Variants in LHFPL7 observed in about 807,000 individuals in gnomAD.
LHFPL7 encodes LHFPL tetraspan subfamily member 7 protein.
At chr22:24,935,450 G>C in the LHFPL7 span, 1 of 1,613,940 alleles carries the variant, frequency 6.2e-7, no homozygotes, top group African/African-American at 1.3e-5. Context: ...GGCTGGCCAG[G>C]ACTGCATTGA....
At chr22:24,935,641 C>T in the LHFPL7 span, 2 of 1,574,978 alleles carry the variant, frequency 1.3e-6, no homozygotes, top group Non-Finnish European at 1.7e-6. Context: ...CAAGGGGTAC[C>T]TCACTAACTT....
chr22:24,939,477 C>T, the LHFPL7 span: 6 of 702,956 alleles, frequency 8.5e-6, no homozygotes, highest in Admixed American at 6.0e-5. Flanking sequence ...GGAGATGAGG[C>T]TGAAGGCTGA....
chr22:24,936,807 G>A, the LHFPL7 span, among the ~76,000 whole-genome samples: 1 of 152,098 alleles, frequency 6.6e-6, no homozygotes, highest in African/African-American at 2.4e-5. Context: ...TGCATACACT[G>A]GGCCCATCCA....
At chr22:24,943,801 A>G in the LHFPL7 span, among the ~76,000 whole-genome samples, 1 of 152,202 alleles carries the variant, frequency 6.6e-6, no homozygotes, top group Non-Finnish European at 1.5e-5. Context: ...GGGGACAGGG[A>G]TGATTCCAGA....
chr22:24,944,611 T>C, the LHFPL7 span, among the ~76,000 whole-genome samples: 1 of 152,180 alleles, frequency 6.6e-6, no homozygotes, highest in East Asian at 1.9e-4. Context: ...TGGAGTGCAG[T>C]GGCACAATCA....
chr22:24,935,635 G>A, the LHFPL7 span: 62 of 1,581,296 alleles, frequency 3.9e-5, no homozygotes, highest in African/African-American at 7.7e-4. Context: ...GTTGGCCAAG[G>A]GGTACCTCAC....
the LHFPL7 span, chr22:24,935,237 C>T: frequency 6.7e-7 from 1 of 1,489,498 alleles, no homozygotes; most frequent in South Asian, 1.3e-5. Context: ...CCTGAAGTCA[C>T]ACAGCAAGAA....
the LHFPL7 span, among the ~76,000 whole-genome samples, chr22:24,940,585 G>A: frequency 6.9e-6 from 1 of 145,484 alleles, no homozygotes; most frequent in Admixed American, 6.9e-5. Context: ...GACAGAGCGA[G>A]ACTCCGTCTC....
the LHFPL7 span, among the ~76,000 whole-genome samples, chr22:24,941,763 T>C: frequency 2.4e-4 from 37 of 151,130 alleles, no homozygotes; most frequent in Non-Finnish European, 3.2e-4. Flanking sequence ...TCCGACTCCC[T>C]GGTTCAAGCG....
At chr22:24,938,319 T>C in the LHFPL7 span, 1 of 1,611,926 alleles carries the variant, frequency 6.2e-7, no homozygotes, top group South Asian at 1.1e-5. Context: ...AAAATTGCAT[T>C]GAAGGCCAAC....
At chr22:24,942,195 C>T in the LHFPL7 span, among the ~76,000 whole-genome samples, 3 of 151,916 alleles carry the variant, frequency 2.0e-5, no homozygotes, top group Admixed American at 1.3e-4. Flanking sequence ...GGGGTTTCAC[C>T]CCGTTAGCCA....
the LHFPL7 span, among the ~76,000 whole-genome samples, chr22:24,936,799 C>A: frequency 4.6e-5 from 7 of 152,148 alleles, no homozygotes; most frequent in Admixed American, 1.3e-4. Flanking sequence ...TTAACCCATG[C>A]ATACACTGGG....
At chr22:24,945,595 G>T in the LHFPL7 span, among the ~76,000 whole-genome samples, 1 of 152,216 alleles carries the variant, frequency 6.6e-6, no homozygotes, top group Non-Finnish European at 1.5e-5. Flanking sequence ...GCAGCCGGAG[G>T]TGTCTGAGTG....
chr22:24,943,977 C>G, the LHFPL7 span, among the ~76,000 whole-genome samples: 1 of 152,164 alleles, frequency 6.6e-6, no homozygotes, highest in African/African-American at 2.4e-5. Context: ...CTTTAATGTG[C>G]CCAGCTCAAT....
At chr22:24,938,159 C>T in the LHFPL7 span, 1 of 1,614,136 alleles carries the variant, frequency 6.2e-7, no homozygotes. Context: ...CTGCCACTGC[C>T]TGCACCCCTG....
chr22:24,939,633 A>T, the LHFPL7 span: 2 of 686,172 alleles, frequency 2.9e-6, no homozygotes, highest in Non-Finnish European at 5.3e-6. Flanking sequence ...CTCCCTAGCC[A>T]GGGATCTGGT....
At chr22:24,935,411 T>C in the LHFPL7 span, 2 of 1,613,954 alleles carry the variant, frequency 1.2e-6, no homozygotes, top group African/African-American at 1.3e-5. Flanking sequence ...GGACCTTGGT[T>C]GTGTGGGGCC....
chr22:24,943,821 C>T, the LHFPL7 span, among the ~76,000 whole-genome samples: 1 of 152,170 alleles, frequency 6.6e-6, no homozygotes, highest in African/African-American at 2.4e-5. Flanking sequence ...AGAAGCCATA[C>T]AAAGGCAGAA....
At chr22:24,937,480 G>C in the LHFPL7 span, among the ~76,000 whole-genome samples, 1 of 152,198 alleles carries the variant, frequency 6.6e-6, no homozygotes, top group Non-Finnish European at 1.5e-5. Context: ...CTCTGAGTAT[G>C]ATGGGAAGTG....
Sources: allele counts gnomAD v4.1 joint callset (sites outside exome capture counted in the v4.1 genomes callset), GRCh38; gene constraint gnomAD v4.1.1; transcripts MANE v1.5; gene names NCBI Gene and HGNC (gene_info 2026-07-23, HGNC 2026-07-21).